KCNQ1: variants seen among roughly 807,000 people sequenced by gnomAD.
The protein encoded by KCNQ1 is potassium voltage-gated channel subfamily Q member 1.
KCNQ1 carries 49 observed loss-of-function variants against 72.4 expected under a neutral mutation model. That is an observed-to-expected ratio of 0.68 (90% CI 0.54 to 0.86). The LOEUF (loss-of-function observed/expected upper bound fraction) is 0.86, where lower values mean the gene tolerates loss of function less well. KCNQ1 is among the 40% of genes least tolerant of loss of function. The pLI is 0.00. For synonymous variants in KCNQ1, 450 were observed against 412.6 expected, an observed-to-expected ratio of 1.09 and a Z score of -1.10; for missense variants, 790 against 945.1, an observed-to-expected ratio of 0.84 and a Z score of 2.15.
At chr11:2,758,300 A>G (rs1846336235) in intron 11 of KCNQ1, among the ~76,000 whole-genome samples, 1 of 152,240 alleles carries the variant, frequency 6.6e-6, no homozygotes, top group African/African-American at 2.4e-5. Context: ...GTACACCAAA[A>G]GATGATCAAC....
intron 15 of KCNQ1, among the ~76,000 whole-genome samples, chr11:2,844,448 G>A (rs1485376169): frequency 1.3e-5 from 2 of 152,246 alleles, no homozygotes; most frequent in Non-Finnish European, 2.9e-5. Flanking sequence ...GTTGAGGTGA[G>A]CCTGGGACCA....
intron 11 of KCNQ1, chr11:2,692,546 C>T: frequency 2.5e-6 from 1 of 398,820 alleles, no homozygotes; most frequent in Non-Finnish European, 4.4e-6. Flanking sequence ...GGGCCCTTGG[C>T]CTGCCCCTGC....
In KCNQ1 at chr11:2,669,023, T is replaced by C. The variant is rs1850134232; in HGVS notation, c.1514+6942T>C. 1 of 398,576 alleles carries C rather than the reference T, an allele frequency of 2.5e-6. No individual in the cohort carries two copies. The highest frequency in any genetic ancestry group is 4.4e-5 in the Admixed American group (1 of 22,716). 24.7% of individuals were successfully genotyped at this position (398,576 alleles called of 1,614,324 possible). ...ACTCTTCCCCTACTTGGATATCCAG[T>C]CTAGCTCAGCACCCGGCATGGGAAG... On this transcript the variant is annotated intron_variant, in intron 11 of 15. Transcript: ENST00000155840. This position sits in a 1 kb window ranked among gnomAD's most constrained non-coding sequence, Gnocchi z 5.6.
In KCNQ1 at chr11:2,661,012, A is replaced by G. The variant is rs1175514012; in HGVS notation, c.1394-949A>G. The G allele has an allele frequency of 1.8e-5, 7 of 398,518 alleles. No individual in the cohort carries two copies. Among genetic ancestry groups the G allele is most frequent in the South Asian group, 1.3e-4 (1 of 7,866 alleles). The allele number at this position is 398,518 out of a possible 1,614,324, so 24.7% of individuals were successfully genotyped here. A position where few individuals can be genotyped will look rare whatever the true frequency, so the allele number is the denominator to read the frequency against. ...GACTAAAATAATTAAATCCATGCCT[A>G]TATACCTAGAGAAAAATGAAATGAG... On this transcript the variant is annotated intron_variant, in intron 10 of 15. Transcript: ENST00000155840. This position sits in a 1 kb window ranked among gnomAD's most constrained non-coding sequence, Gnocchi z 5.9.
At chr11:2,692,873 T>G in intron 11 of KCNQ1, 3 of 398,688 alleles carry the variant, frequency 7.5e-6, no homozygotes, top group Non-Finnish European at 8.8e-6. Context: ...GAAGGCACTG[T>G]GCTGTGTAGA....
Position 2,620,211 on chromosome 11 carries a change from A to ATATATTTT in KCNQ1, c.1393+31358_1393+31359insATATTTTT, listed in dbSNP as rs1383035176. The stretch of plus-strand genomic sequence containing the variant: ...TAAGTTCATTCATGTATATATATAT[A>ATATATTTT]TTTTTTTTTTTTATTTTTTTTTTAG... On this transcript the variant is annotated intron_variant, in intron 10 of 15. Coordinates refer to ENST00000155840, the MANE Select transcript of KCNQ1 (RefSeq NM_000218.3). The surrounding 1 kb of genome is among the most constrained non-coding windows in gnomAD (Gnocchi z 4.5). 4 of 261,942 alleles carry ATATATTTT rather than the reference A, an allele frequency of 1.5e-5. No individual in the cohort carries two copies. The highest frequency in any genetic ancestry group is 6.1e-5 in the Admixed American group (1 of 16,400). 16.2% of individuals were successfully genotyped at this position (261,942 alleles called of 1,614,324 possible).
At chr11:2,834,639 A>G (rs1002139132) in intron 15 of KCNQ1, among the ~76,000 whole-genome samples, 2 of 152,118 alleles carry the variant, frequency 1.3e-5, no homozygotes, top group African/African-American at 4.8e-5. Flanking sequence ...TCGGATGGAG[A>G]AAGGACAGGG....
Position 2,711,554 on chromosome 11 carries a change from C to G in KCNQ1, c.1514+49473C>G, listed in dbSNP as rs1851006929. The stretch of plus-strand genomic sequence containing the variant: ...GGTGTCGCCTGCCCAGAACGGGGCT[C>G]TCGGAGGCCAGGGTGACTCCACTAT... On this transcript the variant is annotated intron_variant, in intron 11 of 15. Transcript: ENST00000155840. The surrounding 1 kb of genome is among the most constrained non-coding windows in gnomAD (Gnocchi z 5.4). 6.6e-6 allele frequency among the ~76,000 whole-genome samples: 1 copy of G among 152,140 alleles called. No homozygotes were observed. The highest frequency in any genetic ancestry group is 1.5e-5 in the Non-Finnish European group (1 of 68,026).
Position 2,772,983 on chromosome 11 carries a change from T to C in KCNQ1, c.1591-2977T>C, listed in dbSNP as rs1395117645. ...GTTCAATGTGTTCTGAAGAGAGGCT[T>C]CGGCCACAGCTGGCTGTGACTCTGG... is the stretch of plus-strand genomic sequence containing the variant. On this transcript the variant is annotated intron_variant, in intron 12 of 15. Coordinates refer to ENST00000155840, the MANE Select transcript of KCNQ1 (RefSeq NM_000218.3). This position sits in a 1 kb window ranked among gnomAD's most constrained non-coding sequence, Gnocchi z 6.6. Among the ~76,000 whole-genome samples the C allele has an allele frequency of 6.6e-6, 1 of 152,226 alleles. No homozygotes were observed. The highest frequency in any genetic ancestry group is 1.5e-5 in the Non-Finnish European group (1 of 68,044).
At position 2,784,359 on chromosome 11, in the gene KCNQ1, T is replaced by C. The variant is rs2134000064; in HGVS notation, c.1794+6322T>C. Among the ~76,000 whole-genome samples the C allele has an allele frequency of 6.6e-6, 1 of 152,114 alleles. No individual in the cohort carries two copies. The highest frequency in any genetic ancestry group is 2.1e-4 in the South Asian group (1 of 4,830). On this transcript the variant is annotated intron_variant, in intron 15 of 15. Transcript: ENST00000155840. The surrounding 1 kb of genome is among the most constrained non-coding windows in gnomAD (Gnocchi z 4.7). ...TTCTGGATTTTCAATTCTATTATGT[T>C]GGTCTATATGCCTTTCTGTAAGTCT...
chr11:2,469,896 G>A (rs577932855), intron 1 of KCNQ1, among the ~76,000 whole-genome samples: 138 of 151,990 alleles, frequency 9.1e-4, no homozygotes, highest in African/African-American at 3.3e-3. Flanking sequence ...TCCTGACCTC[G>A]TGATCCGCCC....
At chr11:2,570,878 G>A in intron 3 of KCNQ1, 124 bp downstream of exon 3, 1 of 1,299,394 alleles carries the variant, frequency 7.7e-7, no homozygotes, top group Non-Finnish European at 1.1e-6. Context: ...AGCAGGGGGT[G>A]ACTGCCCAGG....
chr11:2,688,518 C>A, intron 11 of KCNQ1: 1 of 398,658 alleles, frequency 2.5e-6, no homozygotes, highest in South Asian at 1.3e-4. Context: ...AGGTAGAGGT[C>A]ACACAGCCAG....
At position 2,798,889 on chromosome 11, in the gene KCNQ1, G is replaced by T. The variant is rs1014071902; in HGVS notation, c.1794+20852G>T. 3.9e-5 allele frequency among the ~76,000 whole-genome samples: 6 copies of T among 152,314 alleles called. No homozygotes were observed. In the East Asian group the frequency reaches 1.2e-3, roughly 29 times the overall value. On this transcript the variant is annotated intron_variant, in intron 15 of 15. Transcript: ENST00000155840. ...GTACATTTGCCTAATTTGGGACAGG[G>T]GAAGGGGCTGGAGGAGCAGGAACAG...
chr11:2,695,334 G>GTC lies in KCNQ1; in HGVS notation c.1514+33254_1514+33255insCT. The GTC allele has an allele frequency of 2.5e-6, 1 of 398,388 alleles. No homozygotes were observed. The highest frequency in any genetic ancestry group is 4.4e-6 in the Non-Finnish European group (1 of 226,074). 24.7% of individuals were successfully genotyped at this position (398,388 alleles called of 1,614,324 possible). A position where few individuals can be genotyped will look rare whatever the true frequency, so the allele number is the denominator to read the frequency against. Reference sequence around the variant, plus strand: ...GGGTAATTTATTTATATCATTGTGTGTGTGTGTGTGCACTCACGAGCACTC... The same window carrying GTC: ...GGGTAATTTATTTATATCATTGTGTGTCTGTGTGTGTGCACTCACGAGCACTC... On this transcript the variant is annotated intron_variant, in intron 11 of 15. Coordinates refer to ENST00000155840, the MANE Select transcript of KCNQ1 (RefSeq NM_000218.3). This position sits in a 1 kb window ranked among gnomAD's most constrained non-coding sequence, Gnocchi z 5.2.
chr11:2,734,730 T>G lies in KCNQ1; in HGVS notation c.1515-34114T>G, dbSNP rs1374213578. Among the ~76,000 whole-genome samples the G allele has an allele frequency of 1.3e-5, 2 of 151,776 alleles. No individual in the cohort carries two copies. The highest frequency in any genetic ancestry group is 4.8e-5 in the African/African-American group (2 of 41,274). ...GGAGGTGAGAGGTAATCCTGGAAGC[T>G]GCTATGTAGACAGAAGCGAGGGCAA... is the stretch of plus-strand genomic sequence containing the variant. On this transcript the variant is annotated intron_variant, in intron 11 of 15. Transcript: ENST00000155840. This position sits in a 1 kb window ranked among gnomAD's most constrained non-coding sequence, Gnocchi z 7.0.
At chr11:2,777,563 AG>A (rs1445467007) in intron 14 of KCNQ1, 6 of 553,248 alleles carry the variant, frequency 1.1e-5, no homozygotes, top group Non-Finnish European at 1.6e-5. Context: ...GGGTTTCCCT[AG>A]CCCAGATGCA....
rs894891251 is a variant in KCNQ1 at position 2,783,262 on chromosome 11, A to G, written c.1794+5225A>G. ...TAGCAATGTGGTTTTTGTCATTGTTATAATTGTAGCACAGCTTTCTCATAA... is the reference window on the plus strand; with the variant it reads ...TAGCAATGTGGTTTTTGTCATTGTTGTAATTGTAGCACAGCTTTCTCATAA... On this transcript the variant is annotated intron_variant, in intron 15 of 15. Coordinates refer to ENST00000155840, the MANE Select transcript of KCNQ1 (RefSeq NM_000218.3). This position sits in a 1 kb window ranked among gnomAD's most constrained non-coding sequence, Gnocchi z 5.2. Among the ~76,000 whole-genome samples the G allele has an allele frequency of 2.6e-5, 4 of 152,102 alleles. No homozygotes were observed. The highest frequency in any genetic ancestry group is 4.4e-5 in the Non-Finnish European group (3 of 67,956).
intron 15 of KCNQ1, among the ~76,000 whole-genome samples, chr11:2,820,351 A>G (rs1011670084): frequency 6.6e-6 from 1 of 152,230 alleles, no homozygotes; most frequent in East Asian, 1.9e-4. Flanking sequence ...TTAAACTTCA[A>G]GATGTATCCA....
Sources: allele counts gnomAD v4.1 joint callset (sites outside exome capture counted in the v4.1 genomes callset), GRCh38; gene constraint gnomAD v4.1.1; non-coding constraint Gnocchi (gnomAD v3.1); transcripts MANE v1.5; gene names NCBI Gene and HGNC (gene_info 2026-07-23, HGNC 2026-07-21).